CREBBP: variants seen among roughly 807,000 people sequenced by gnomAD.
The protein encoded by CREBBP is CREB-binding protein.
CREBBP carries 19 observed loss-of-function variants against 265.0 expected under a neutral mutation model. The observed-to-expected ratio is 0.07, with a 90% CI of 0.05 to 0.11. CREBBP has a LOEUF of 0.11. CREBBP is among the 10% of genes least tolerant of loss of function. CREBBP has a pLI of 1.00. For synonymous variants in CREBBP, 1,457 were observed against 1,223.7 expected (o/e 1.19, Z -3.98); for missense variants, 2,525 against 3,219.0 (o/e 0.78, Z 5.22).
At chr16:3,851,263 G>C (rs1235054496) in intron 1 of CREBBP, among the ~76,000 whole-genome samples, 2 of 139,606 alleles carry the variant, frequency 1.4e-5, no homozygotes, top group African/African-American at 2.7e-5. Flanking sequence ...ACTCCAGCCT[G>C]GGCAACAAGA....
intron 2 of CREBBP, among the ~76,000 whole-genome samples, chr16:3,819,166 C>T (rs1243444867): frequency 6.6e-6 from 1 of 152,254 alleles, no homozygotes; most frequent in Non-Finnish European, 1.5e-5. Context: ...GCCACAAATA[C>T]AATTTCATCC....
intron 28 of CREBBP, among the ~76,000 whole-genome samples, chr16:3,735,070 T>C (rs1473135493): frequency 1.3e-5 from 2 of 152,104 alleles, no homozygotes; most frequent in Non-Finnish European, 2.9e-5. Context: ...CACCATCATC[T>C]CTTCCCCAGA....
intron 2 of CREBBP, among the ~76,000 whole-genome samples, chr16:3,844,845 C>T (rs1263439084): frequency 1.3e-5 from 2 of 152,060 alleles, no homozygotes; most frequent in Non-Finnish European, 2.9e-5. Flanking sequence ...CCAACAGCAA[C>T]AAAAACCACG....
At position 3,880,218 on chromosome 16, in the gene CREBBP, C is replaced by T. The variant is rs1454707456; in HGVS notation, c.-302G>A. On this transcript the variant is annotated 5_prime_UTR_variant, in exon 1 of 31. Transcript: ENST00000262367. ...GCGCGACACTCCGCGGTGGGGGCGC[C>T]CCGGCGGCCCGGCCGCCCCCCCGGG... 7.1e-6 allele frequency: 1 copy of T among 140,640 alleles called. No individual in the cohort carries two copies. The highest frequency in any genetic ancestry group is 1.6e-5 in the Non-Finnish European group (1 of 63,414). 8.7% of individuals were successfully genotyped at this position (140,640 alleles called of 1,614,324 possible). A position where few individuals can be genotyped will look rare whatever the true frequency, so the allele number is the denominator to read the frequency against.
In CREBBP at chr16:3,849,425, GTGTGTGTGT is replaced by G. The variant is rs2054747999; in HGVS notation, c.798+863_798+871del. On this transcript the variant is annotated intron_variant, in intron 2 of 30. Coordinates refer to ENST00000262367, the MANE Select transcript of CREBBP (RefSeq NM_004380.3). ...TGTGTGTGTGTGTGTGTGTGTGTGT[GTGTGTGTGT>G]GTGTGTGTGTGTGTGTGTGTGTGTG... 7.6e-4 allele frequency among the ~76,000 whole-genome samples: 8 copies of G among 10,586 alleles called. 1 individual carries two copies. The highest frequency in any genetic ancestry group is 0.01 in the South Asian group (2 of 200). The allele number at this position is 10,586 out of a possible 152,430, so 6.9% of individuals were successfully genotyped here.
intron 1 of CREBBP, among the ~76,000 whole-genome samples, chr16:3,861,398 G>C (rs1402727268): frequency 6.6e-6 from 1 of 152,196 alleles, no homozygotes; most frequent in South Asian, 2.1e-4. Context: ...AAAAATATTA[G>C]TCATTACTAT....
At chr16:3,771,847 G>A (rs1445579943) in intron 13 of CREBBP, among the ~76,000 whole-genome samples, 1 of 140,494 alleles carries the variant, frequency 7.1e-6, no homozygotes. Context: ...GTCTCGCTCT[G>A]TCACCCAGTC....
At chr16:3,853,736 A>G (rs2141513138) in intron 1 of CREBBP, among the ~76,000 whole-genome samples, 1 of 152,260 alleles carries the variant, frequency 6.6e-6, no homozygotes, top group Middle Eastern at 3.4e-3. Context: ...CAGGAGTTCA[A>G]GACCAGCCTG....
At chr16:3,734,797 G>A (rs557552074) in intron 28 of CREBBP, among the ~76,000 whole-genome samples, 14 of 152,258 alleles carry the variant, frequency 9.2e-5, no homozygotes, top group African/African-American at 2.9e-4. Context: ...TGTGGCGGAA[G>A]CGGCCCAGGC....
chr16:3,837,181 G>T (rs555101987), intron 2 of CREBBP, among the ~76,000 whole-genome samples: 1 of 152,288 alleles, frequency 6.6e-6, no homozygotes, highest in Admixed American at 6.5e-5. Context: ...TGCTTCTGAA[G>T]ACCTTTCAGT....
intron 5 of CREBBP, among the ~76,000 whole-genome samples, chr16:3,789,761 A>G (rs1208287100): frequency 6.6e-6 from 1 of 152,066 alleles, no homozygotes; most frequent in African/African-American, 2.4e-5. Context: ...CTTCCTTGTG[A>G]CTTTATAAAA....
chr16:3,803,087 G>A (rs986603023), intron 3 of CREBBP, among the ~76,000 whole-genome samples: 1 of 152,044 alleles, frequency 6.6e-6, no homozygotes, highest in African/African-American at 2.4e-5. Flanking sequence ...AAACTGGTAA[G>A]AAACACAACA....
At chr16:3,737,588 G>A (rs1186985571) in intron 26 of CREBBP, among the ~76,000 whole-genome samples, 2 of 151,482 alleles carry the variant, frequency 1.3e-5, no homozygotes, top group East Asian at 1.9e-4. Context: ...ACCTCCTGAG[G>A]AGCTGGGATT....
chr16:3,857,091 T>C (rs906719355), intron 1 of CREBBP, among the ~76,000 whole-genome samples: 2 of 152,172 alleles, frequency 1.3e-5, no homozygotes, highest in African/African-American at 2.4e-5. Flanking sequence ...AGTTAAAAAC[T>C]TCACCCATCA....
chr16:3,793,480 G>A lies in CREBBP; in HGVS notation c.1122C>T (p.Asn374=), dbSNP rs770473055. 40 of 1,614,102 alleles carry A rather than the reference G, an allele frequency of 2.5e-5. No homozygotes were observed. The highest frequency in any genetic ancestry group is 3.0e-5 in the Non-Finnish European group (35 of 1,180,032). The part of the protein sequence containing the change: ...AHKCQRREQA[N]GEVRACSLPH... ...GGAGCGAGCAGGCCCGAACCTCTCCGTTTGCTTGCTCTCGTCTCTGACACT... is the reference window on the plus strand; with the variant it reads ...GGAGCGAGCAGGCCCGAACCTCTCCATTTGCTTGCTCTCGTCTCTGACACT... The change falls in exon 4 of 31, where the codon AAC becomes AAT. Residue 374 remains asparagine (N), a synonymous_variant. Coordinates refer to ENST00000262367, the MANE Select transcript of CREBBP (RefSeq NM_004380.3).
At chr16:3,795,920 C>T (rs2053599021) in intron 3 of CREBBP, among the ~76,000 whole-genome samples, 1 of 152,238 alleles carries the variant, frequency 6.6e-6, no homozygotes, top group Non-Finnish European at 1.5e-5. Context: ...TCAGCTAATA[C>T]TGAGTCATAT....
In CREBBP at chr16:3,729,848, A is replaced by G. The variant is rs1249231459; in HGVS notation, c.5199T>C (p.Tyr1733=). 3.7e-6 allele frequency: 6 copies of G among 1,602,794 alleles called. No homozygotes were observed. The East Asian group carries it at 8.9e-5, about 24-fold the overall frequency. Residue 1733 remains tyrosine (Y), a synonymous_variant, in exon 31 of 31, where the codon TAT becomes TAC. Coordinates refer to ENST00000262367, the MANE Select transcript of CREBBP (RefSeq NM_004380.3). ...CEDYDLCINC[Y]NTKSHAHKMV... is the part of the protein sequence containing the mutation. ...TCTTATGGGCATGGCTCTTCGTGTTATAGCAGTTGATGCAGAGGTCGTAGT... is the reference window on the plus strand; with the variant it reads ...TCTTATGGGCATGGCTCTTCGTGTTGTAGCAGTTGATGCAGAGGTCGTAGT...
At chr16:3,876,396 G>A (rs1278796118) in intron 1 of CREBBP, among the ~76,000 whole-genome samples, 1 of 6,938 alleles carries the variant, frequency 1.4e-4, no homozygotes, top group African/African-American at 9.1e-4. Context: ...CAATAAAGCT[G>A]ACCAAAAAAA....
intron 2 of CREBBP, among the ~76,000 whole-genome samples, chr16:3,829,462 CT>C (rs1163072885): frequency 1.3e-5 from 2 of 152,196 alleles, no homozygotes; most frequent in Non-Finnish European, 2.9e-5. Context: ...GGAGCTGTAA[CT>C]AAGTGTGCAG....
Sources: gnomAD v4.1 joint callset for allele counts (sites outside exome capture counted in the v4.1 genomes callset) on GRCh38, gnomAD v4.1.1 for gene constraint, MANE v1.5 for transcripts, NCBI Gene and HGNC (gene_info 2026-07-23, HGNC 2026-07-21) for gene names.